Variants in PCGF3 observed in about 807,000 individuals in gnomAD.
The protein encoded by PCGF3 is polycomb group ring finger 3, also known as polycomb group RING finger protein 3.
PCGF3 carries 7 observed loss-of-function variants against 33.1 expected under a neutral mutation model. That is an observed-to-expected ratio of 0.21 (90% CI 0.12 to 0.40). The LOEUF (loss-of-function observed/expected upper bound fraction) is 0.40, where lower values mean the gene tolerates loss of function less well. PCGF3 is among the 10% of genes least tolerant of loss of function. The pLI, the probability that PCGF3 is intolerant of heterozygous loss-of-function variation, is 1.00. For synonymous variants in PCGF3, 153 were observed against 121.3 expected (o/e 1.26, Z -1.72); for missense variants, 211 against 313.3 (o/e 0.67, Z 2.46).
chr4:751,959 C>T, intron 8 of PCGF3, among the ~76,000 whole-genome samples: 1 of 152,268 alleles, frequency 6.6e-6, no homozygotes, highest in Non-Finnish European at 1.5e-5. Context: ...GGTGGCTCCT[C>T]TGAATCTTCC....
intron 3 of PCGF3, among the ~76,000 whole-genome samples, chr4:732,203 T>C: frequency 7.4e-6 from 1 of 134,580 alleles, no homozygotes; most frequent in Non-Finnish European, 1.6e-5. Flanking sequence ...TCCCCTCCCC[T>C]CGTGGGTGGG....
At chr4:739,127 G>A (rs1743974800) in intron 6 of PCGF3, among the ~76,000 whole-genome samples, 1 of 152,242 alleles carries the variant, frequency 6.6e-6, no homozygotes, top group African/African-American at 2.4e-5. Context: ...AAATAGTAGA[G>A]ATTCCTTAAT....
intron 8 of PCGF3, among the ~76,000 whole-genome samples, chr4:749,399 G>A (rs902922951): frequency 6.7e-6 from 1 of 150,256 alleles, no homozygotes; most frequent in Non-Finnish European, 1.5e-5. Flanking sequence ...CTTGACCTCG[G>A]GTGATCCACC....
chr4:733,212 T>C (rs1743688679), intron 3 of PCGF3, among the ~76,000 whole-genome samples: 1 of 152,098 alleles, frequency 6.6e-6, no homozygotes, highest in South Asian at 2.1e-4. Context: ...GCCCAGACTC[T>C]AAACTGGGCC....
intron 3 of PCGF3, among the ~76,000 whole-genome samples, chr4:731,566 G>T (rs1370411189): frequency 8.0e-6 from 1 of 125,410 alleles, no homozygotes; most frequent in African/African-American, 2.8e-5. Flanking sequence ...CCCTCCCGTC[G>T]TGGGTGGGCG....
chr4:732,581 A>G (rs1009823337), intron 3 of PCGF3: 4 of 152,432 alleles, frequency 2.6e-5, no homozygotes, highest in Non-Finnish European at 5.9e-5. Context: ...GGATGAGCCC[A>G]GCTCTCAGCT....
At chr4:753,034 A>G (rs976372659) in intron 8 of PCGF3, among the ~76,000 whole-genome samples, 2 of 152,188 alleles carry the variant, frequency 1.3e-5, no homozygotes, top group African/African-American at 4.8e-5. Flanking sequence ...ATAGTGGGAG[A>G]CAGATCCCGG....
At position 721,339 on chromosome 4, in the gene PCGF3, G is replaced by A. The variant is rs1743066806; in HGVS notation, c.-189-9291G>A. ...CACAAACAACAGAAACTTCAAGGCTGTCCTAAGATATGGGTGGCAGAAGAA... is the reference window on the plus strand; with the variant it reads ...CACAAACAACAGAAACTTCAAGGCTATCCTAAGATATGGGTGGCAGAAGAA... On this transcript the variant is annotated intron_variant, in intron 1 of 10. Coordinates refer to ENST00000362003, the Ensembl canonical transcript of PCGF3. The surrounding 1 kb of genome is among the most constrained non-coding windows in gnomAD (Gnocchi z 4.1). Among the ~76,000 whole-genome samples the A allele has an allele frequency of 6.6e-6, 1 of 152,154 alleles. No individual in the cohort carries two copies. Among genetic ancestry groups the A allele is most frequent in the South Asian group, 2.1e-4 (1 of 4,826 alleles).
At chr4:763,377 T>C (rs953767046) in intron 9 of PCGF3, among the ~76,000 whole-genome samples, 1 of 151,368 alleles carries the variant, frequency 6.6e-6, no homozygotes, top group East Asian at 1.9e-4. Context: ...CAGGGAAGAG[T>C]GTGAGGTTTG....
At chr4:722,720 G>GCGTCAT (rs1437853113) in intron 1 of PCGF3, among the ~76,000 whole-genome samples, 1 of 86,430 alleles carries the variant, frequency 1.2e-5, no homozygotes, top group Non-Finnish European at 2.2e-5. Flanking sequence ...GTCCACACTC[G>GCGTCAT]CGTCATCGCC....
chr4:766,263 A>G (rs1296519433), exon 11 of PCGF3: 1 of 581,646 alleles, frequency 1.7e-6, no homozygotes, highest in Non-Finnish European at 3.1e-6. Flanking sequence ...TTTACAGAGG[A>G]TGAAAACACT....
chr4:707,127 G>A (rs904585413), intron 1 of PCGF3, among the ~76,000 whole-genome samples: 1 of 152,120 alleles, frequency 6.6e-6, no homozygotes, highest in Non-Finnish European at 1.5e-5. Flanking sequence ...CATCATCCAG[G>A]AGGGTCTGAC....
intron 8 of PCGF3, among the ~76,000 whole-genome samples, chr4:755,905 T>C (rs1394513432): frequency 9.8e-5 from 4 of 40,962 alleles, no homozygotes; most frequent in Non-Finnish European, 1.6e-4. Flanking sequence ...AGAATTGTCC[T>C]TTTTTTTTTT....
chr4:737,554 G>C, intron 6 of PCGF3, 33 bp downstream of exon 6: 1 of 1,440,616 alleles, frequency 6.9e-7, no homozygotes, highest in Admixed American at 1.7e-5. Flanking sequence ...GATCCCTGAG[G>C]TCCCAGCCTG....
chr4:761,454 C>G (rs754440442), intron 9 of PCGF3, 38 bp downstream of exon 9: 2 of 1,531,378 alleles, frequency 1.3e-6, no homozygotes, highest in East Asian at 2.4e-5. Flanking sequence ...ATAACAAGTC[C>G]TCTCTTATTT....
Position 743,533 on chromosome 4 carries a change from A to C in PCGF3, c.322A>C (p.Ile108Leu), listed in dbSNP as rs201716638. 1.6e-4 allele frequency: 260 copies of C among 1,613,642 alleles called. No homozygotes were observed. Among genetic ancestry groups the C allele is most frequent in the Non-Finnish European group, 1.6e-4 (183 of 1,179,708 alleles). The change falls in exon 7 of 11, where the codon ATC (isoleucine) becomes CTC (leucine). Residue 108 changes from isoleucine to leucine, a missense_variant. Transcript: ENST00000362003. ...ATTGGGCATGGAGGTGCCGGGAGAC[A>C]TCAAGGGGGAGACCTGCTCTGCAAA...
chr4:756,993 TTAAA>T (rs1744797672), intron 8 of PCGF3: 2 of 152,214 alleles, frequency 1.3e-5, no homozygotes, highest in African/African-American at 4.8e-5. Flanking sequence ...CTTAGTGTAT[TTAAA>T]TAGGTAATTC....
At position 720,711 on chromosome 4, in the gene PCGF3, C is replaced by G. The variant is rs111255628; in HGVS notation, c.-189-9919C>G. Among the ~76,000 whole-genome samples the G allele has an allele frequency of 4.8e-3, 646 of 134,618 alleles. No homozygotes were observed. Among genetic ancestry groups the G allele is most frequent in the Middle Eastern group, 0.012 (3 of 254 alleles). 88.3% of individuals were successfully genotyped at this position (134,618 alleles called of 152,430 possible). ...GGCGGTGACGTGCGTGTGGACCCGG[C>G]GTGGACGGGCGGTGACGTGCGTGTG... On this transcript the variant is annotated intron_variant, in intron 1 of 10. Transcript: ENST00000362003. The surrounding 1 kb of genome is among the most constrained non-coding windows in gnomAD (Gnocchi z 5.6).
chr4:762,670 C>T (rs1357917355), intron 9 of PCGF3: 1 of 152,256 alleles, frequency 6.6e-6, no homozygotes, highest in Non-Finnish European at 1.5e-5. Context: ...TCAATTTGTT[C>T]TTCATAAATC....
Sources: gnomAD v4.1 joint callset for allele counts (sites outside exome capture counted in the v4.1 genomes callset) on GRCh38, gnomAD v4.1.1 for gene constraint, Gnocchi (gnomAD v3.1) non-coding constraint, MANE v1.5 for transcripts, NCBI Gene and HGNC (gene_info 2026-07-23, HGNC 2026-07-21) for gene names.